Variants in ATP2B2 observed in about 807,000 individuals in gnomAD.
ATP2B2 encodes plasma membrane calcium-transporting ATPase 2.
A neutral mutation model predicts 120.0 loss-of-function variants in ATP2B2; 15 were observed. The observed-to-expected ratio is 0.12, with a 90% CI of 0.08 to 0.19. ATP2B2 has a LOEUF of 0.19. ATP2B2 is among the 10% of genes least tolerant of loss of function. ATP2B2 has a pLI of 1.00. For synonymous variants in ATP2B2, 694 were observed against 700.3 expected (o/e 0.99, Z 0.14); for missense variants, 1,045 against 1,719.8 (o/e 0.61, Z 6.94).
intron 1 of ATP2B2, among the ~76,000 whole-genome samples, chr3:10,478,393 CT>C (rs2125310768): frequency 6.6e-6 from 1 of 152,254 alleles, no homozygotes; most frequent in East Asian, 1.9e-4. Context: ...AATTTATCTA[CT>C]TTTTCTTTTG....
chr3:10,535,896 T>C (rs1255786902), intron 2 of ATP2B2, among the ~76,000 whole-genome samples: 1 of 152,166 alleles, frequency 6.6e-6, no homozygotes, highest in African/African-American at 2.4e-5. Context: ...TTGGGTTGTA[T>C]GGCAGTTGAT....
At chr3:10,464,493 T>C (rs778480916) in intron 1 of ATP2B2, among the ~76,000 whole-genome samples, 1 of 151,988 alleles carries the variant, frequency 6.6e-6, no homozygotes, top group Non-Finnish European at 1.5e-5. Flanking sequence ...ACAGCAGCCC[T>C]AGCTCCACAC....
At chr3:10,364,041 C>T (rs1325130706) in intron 12 of ATP2B2, among the ~76,000 whole-genome samples, 1 of 152,188 alleles carries the variant, frequency 6.6e-6, no homozygotes, top group Non-Finnish European at 1.5e-5. Context: ...TGGACTATTA[C>T]TCAACCTTAA....
chr3:10,541,904 T>C (rs2067448700), intron 2 of ATP2B2, among the ~76,000 whole-genome samples: 1 of 152,204 alleles, frequency 6.6e-6, no homozygotes, highest in Non-Finnish European at 1.5e-5. Context: ...CCTATCAGTT[T>C]TTGCCTTACA....
At chr3:10,444,511 G>C (rs1377658156) in intron 2 of ATP2B2, among the ~76,000 whole-genome samples, 1 of 152,152 alleles carries the variant, frequency 6.6e-6, no homozygotes, top group Admixed American at 6.5e-5. Context: ...CTCCACTTGG[G>C]CAGGCTGTGG....
At position 10,377,220 on chromosome 3, in the gene ATP2B2, T is replaced by A. The variant is rs556165767; in HGVS notation, c.1201+1032A>T. Among the ~76,000 whole-genome samples the A allele has an allele frequency of 3.2e-3, 483 of 152,214 alleles. 1 individual carries two copies. Among genetic ancestry groups the A allele is most frequent in the Non-Finnish European group, 5.2e-3 (355 of 68,004 alleles). ...AGTCTTCTGCCTGTGGCGGTGGCGA[T>A]GGCGGTATAGAGGATAGAGGAAATC... On this transcript the variant is annotated intron_variant, in intron 10 of 22. Transcript: ENST00000360273.
At chr3:10,589,951 C>G (rs1359591486) in intron 2 of ATP2B2, among the ~76,000 whole-genome samples, 1 of 152,142 alleles carries the variant, frequency 6.6e-6, no homozygotes, top group East Asian at 1.9e-4. Context: ...CCAAAAGAAA[C>G]AAAAACTTAT....
In ATP2B2 at chr3:10,342,579, G is replaced by A. The variant is rs2060309495; in HGVS notation, c.2917+173C>T. On this transcript the variant is annotated intron_variant, in intron 19 of 22. Coordinates refer to ENST00000360273, the MANE Select transcript of ATP2B2 (RefSeq NM_001001331.4). The surrounding 1 kb of genome is among the most constrained non-coding windows in gnomAD (Gnocchi z 4.4). ...CAGAGCTGGGACAGGGCCAGGCCCT[G>A]TTCAAGACTTGCTGGTGTGACCTTG... is the stretch of plus-strand genomic sequence containing the variant. Among the ~76,000 whole-genome samples, 1 of 152,064 alleles carries A rather than the reference G, an allele frequency of 6.6e-6. No homozygotes were observed. The highest frequency in any genetic ancestry group is 1.5e-5 in the Non-Finnish European group (1 of 67,984).
Position 10,410,768 on chromosome 3 carries a change from C to A in ATP2B2, c.247G>T (p.Gly83Trp). ...TTCTTTGGAGGTATAAAGTTTTGCC[C>A]AAAAATTTGCTTTCTCTTTTCCAGG... ...PDLEKRKQIFGQNFIPPKKPK... is the reference protein window; with the variant it reads ...PDLEKRKQIFWQNFIPPKKPK... The change falls in exon 3 of 23, where the codon GGG (glycine) becomes TGG (tryptophan). Residue 83 changes from glycine (G) to tryptophan (W), a missense_variant. Gly to Trp is a radical substitution (Grantham distance 184). Transcript: ENST00000360273. The A allele has an allele frequency of 6.2e-7, 1 of 1,614,134 alleles. No homozygotes were observed. Among genetic ancestry groups the A allele is most frequent in the Non-Finnish European group, 8.5e-7 (1 of 1,180,034 alleles).
intron 1 of ATP2B2, among the ~76,000 whole-genome samples, chr3:10,653,244 C>T (rs976405692): frequency 2.6e-5 from 4 of 152,226 alleles, no homozygotes; most frequent in African/African-American, 9.6e-5. Context: ...AGGCCAGCCA[C>T]CAATGACCCC....
At chr3:10,542,472 T>TA (rs1164058415) in intron 2 of ATP2B2, among the ~76,000 whole-genome samples, 1 of 152,212 alleles carries the variant, frequency 6.6e-6, no homozygotes, top group Non-Finnish European at 1.5e-5. Flanking sequence ...GAATTCTTTT[T>TA]AAAAAATTGT....
At chr3:10,480,345 C>T (rs1018251762) in intron 1 of ATP2B2, among the ~76,000 whole-genome samples, 11 of 152,262 alleles carry the variant, frequency 7.2e-5, no homozygotes, top group Middle Eastern at 3.4e-3. Flanking sequence ...CAAATAGGCG[C>T]TCCATAAATG....
chr3:10,617,152 G>C (rs552092834), intron 2 of ATP2B2, among the ~76,000 whole-genome samples: 1 of 152,304 alleles, frequency 6.6e-6, no homozygotes, highest in East Asian at 1.9e-4. Context: ...ACACATCGTT[G>C]TAGATCAATC....
Position 10,375,487 on chromosome 3 carries a change from G to A in ATP2B2, c.1359C>T (p.Val453=), listed in dbSNP as rs149234368. Residue 453 remains valine, a synonymous_variant, in exon 11 of 23, where the codon GTC becomes GTT. Transcript: ENST00000360273. This position sits in a 1 kb window ranked among gnomAD's most constrained non-coding sequence, Gnocchi z 4.2. ...FFIIGVTVLV[V]AVPEGLPLAV... is the part of the protein sequence containing the mutation. ...CCAGAGGGAGCCCCTCGGGCACGGC[G>A]ACCACCAGCACCGTCACGCCAATGA... 5.6e-6 allele frequency: 9 copies of A among 1,613,300 alleles called. No individual in the cohort carries two copies. The highest frequency in any genetic ancestry group is 2.2e-5 in the East Asian group (1 of 44,890).
At chr3:10,345,309 A>C (rs1574966102) in intron 18 of ATP2B2, 75 bp downstream of exon 18, 1 of 1,537,088 alleles carries the variant, frequency 6.5e-7, no homozygotes, top group Non-Finnish European at 9.0e-7. Flanking sequence ...AACCTGGAGT[A>C]CCCTAAGGCC....
chr3:10,554,720 C>T (rs890573009), intron 2 of ATP2B2, among the ~76,000 whole-genome samples: 1 of 152,222 alleles, frequency 6.6e-6, no homozygotes, highest in Non-Finnish European at 1.5e-5. Context: ...TAAGCTAATA[C>T]ACCACACTTA....
intron 2 of ATP2B2, among the ~76,000 whole-genome samples, chr3:10,553,636 A>G (rs2067714928): frequency 6.6e-6 from 1 of 152,048 alleles, no homozygotes; most frequent in Non-Finnish European, 1.5e-5. Flanking sequence ...AGAGGATTGC[A>G]GAGCTGGGGG....
intron 1 of ATP2B2, among the ~76,000 whole-genome samples, chr3:10,451,158 C>T (rs1214425086): frequency 6.6e-6 from 1 of 152,260 alleles, no homozygotes; most frequent in Non-Finnish European, 1.5e-5. Context: ...TCTTCCAGAG[C>T]CGCACGGAGT....
chr3:10,340,417 G>T lies in ATP2B2; in HGVS notation c.3130-68C>A. The T allele has an allele frequency of 6.2e-7, 1 of 1,611,192 alleles. No homozygotes were observed. Among genetic ancestry groups the T allele is most frequent in the Non-Finnish European group, 8.5e-7 (1 of 1,177,360 alleles). ...ATCAGGGACCAGCACAGAGGGCTGG[G>T]CTCTCAGGGTCCTGCCCAGGGGCTC... On this transcript the variant is annotated intron_variant, in intron 20 of 22. Coordinates refer to ENST00000360273, the MANE Select transcript of ATP2B2 (RefSeq NM_001001331.4). This position sits in a 1 kb window ranked among gnomAD's most constrained non-coding sequence, Gnocchi z 5.0.
Sources: allele counts gnomAD v4.1 joint callset (sites outside exome capture counted in the v4.1 genomes callset), GRCh38; gene constraint gnomAD v4.1.1; non-coding constraint Gnocchi (gnomAD v3.1); transcripts MANE v1.5; gene names NCBI Gene and HGNC (gene_info 2026-07-23, HGNC 2026-07-21).